Variants in KCNMA1 observed in about 807,000 individuals in gnomAD.
The protein encoded by KCNMA1 is potassium calcium-activated channel subfamily M alpha 1.
In KCNMA1, 29 loss-of-function variants were observed where a neutral mutation model predicts 140.0. That is an observed-to-expected ratio of 0.21 (90% CI 0.15 to 0.28). KCNMA1 has a LOEUF of 0.28. KCNMA1 is among the 10% of genes least tolerant of loss of function. The probability of loss-of-function intolerance (pLI) is 1.00; values close to 1 mark genes in which losing one functional copy is unlikely to be tolerated. For synonymous variants in KCNMA1, 612 were observed against 611.9 expected (o/e 1.00, Z 0.00); for missense variants, 880 against 1,602.2 (o/e 0.55, Z 7.70).
intron 1 of KCNMA1, among the ~76,000 whole-genome samples, chr10:77,612,016 G>A (rs1289283407): frequency 6.6e-6 from 1 of 152,204 alleles, no homozygotes; most frequent in Non-Finnish European, 1.5e-5. Context: ...AGCTAAAGGA[G>A]TCCAGAGAAG....
chr10:77,431,705 AAAAAAAAAAAG>A (rs1489656718), intron 1 of KCNMA1, among the ~76,000 whole-genome samples: 5 of 122,130 alleles, frequency 4.1e-5, no homozygotes, highest in Non-Finnish European at 7.0e-5. Flanking sequence ...AAAAAAAAAA[AAAAAAAAAAAG>A]GCCGGGAGCG....
At chr10:77,545,889 G>A (rs2061364867) in intron 1 of KCNMA1, among the ~76,000 whole-genome samples, 1 of 152,132 alleles carries the variant, frequency 6.6e-6, no homozygotes, top group Non-Finnish European at 1.5e-5. Flanking sequence ...CCACTACCCT[G>A]TCCCTAAATC....
intron 15 of KCNMA1, among the ~76,000 whole-genome samples, chr10:77,029,537 G>A (rs2093757235): frequency 6.6e-6 from 1 of 152,156 alleles, no homozygotes; most frequent in South Asian, 2.1e-4. Context: ...AGCCTATTTT[G>A]TATTGGGAGA....
At chr10:77,291,049 TAGCACACA>T (rs2073061518) in intron 2 of KCNMA1, among the ~76,000 whole-genome samples, 1 of 152,250 alleles carries the variant, frequency 6.6e-6, no homozygotes, top group South Asian at 2.1e-4. Flanking sequence ...CCAGGAAAGT[TAGCACACA>T]CATATGCCCC....
intron 1 of KCNMA1, among the ~76,000 whole-genome samples, chr10:77,525,280 A>T (rs2055153992): frequency 6.6e-6 from 1 of 152,190 alleles, no homozygotes; most frequent in African/African-American, 2.4e-5. Context: ...CCAAAATGAG[A>T]ATTATCTCCA....
chr10:77,543,631 G>A (rs1475736555), intron 1 of KCNMA1, among the ~76,000 whole-genome samples: 1 of 152,076 alleles, frequency 6.6e-6, no homozygotes, highest in Admixed American at 6.6e-5. Flanking sequence ...AAGTTAGCAG[G>A]TCAAAGAAAA....
At chr10:77,179,839 G>A (rs1214647064) in intron 5 of KCNMA1, among the ~76,000 whole-genome samples, 2 of 152,170 alleles carry the variant, frequency 1.3e-5, no homozygotes, top group African/African-American at 2.4e-5. Flanking sequence ...AAGTGAGTCC[G>A]TGTCTGTGAG....
intron 1 of KCNMA1, among the ~76,000 whole-genome samples, chr10:77,542,370 C>T (rs1210524818): frequency 6.6e-6 from 1 of 152,134 alleles, no homozygotes; most frequent in East Asian, 1.9e-4. Flanking sequence ...TGACAGAATC[C>T]CTGTGCTAAC....
chr10:76,953,036 T>C (rs981736777), intron 21 of KCNMA1, among the ~76,000 whole-genome samples: 5 of 152,216 alleles, frequency 3.3e-5, no homozygotes, highest in Non-Finnish European at 5.9e-5. Context: ...GAGAGTAGAA[T>C]GGATTGTTAC....
chr10:77,375,334 C>G (rs1012604919), intron 2 of KCNMA1, among the ~76,000 whole-genome samples: 4 of 152,178 alleles, frequency 2.6e-5, no homozygotes, highest in Non-Finnish European at 4.4e-5. Flanking sequence ...AAGTTTGAAT[C>G]CTGGCATCTT....
chr10:76,953,763 A>T (rs1361652361), intron 21 of KCNMA1, 38 bp downstream of exon 21: 3 of 1,613,794 alleles, frequency 1.9e-6, no homozygotes, highest in Non-Finnish European at 2.5e-6. Flanking sequence ...GGTTTGGGGC[A>T]GAAGCGGGCA....
intron 2 of KCNMA1, among the ~76,000 whole-genome samples, chr10:77,288,477 T>C (rs1301746286): frequency 6.6e-6 from 1 of 152,214 alleles, no homozygotes; most frequent in East Asian, 1.9e-4. Flanking sequence ...AAAATTAACT[T>C]ACAACCAAAG....
intron 3 of KCNMA1, among the ~76,000 whole-genome samples, chr10:77,197,611 C>T (rs1020896767): frequency 1.3e-5 from 2 of 152,196 alleles, no homozygotes; most frequent in Non-Finnish European, 2.9e-5. Context: ...TTGGAATGCT[C>T]GCTGCTTTAA....
chr10:77,608,313 C>T (rs1181104803), intron 1 of KCNMA1, among the ~76,000 whole-genome samples: 2 of 152,154 alleles, frequency 1.3e-5, no homozygotes, highest in African/African-American at 4.8e-5. Flanking sequence ...GCTGGGACTA[C>T]GGGGATGTGC....
chr10:77,138,663 C>T (rs1329641038), intron 5 of KCNMA1, among the ~76,000 whole-genome samples: 2 of 152,208 alleles, frequency 1.3e-5, no homozygotes, highest in Non-Finnish European at 2.9e-5. Flanking sequence ...TACATGGCAT[C>T]CATCTCACTA....
At chr10:77,006,274 G>A (rs1195555091) in intron 18 of KCNMA1, among the ~76,000 whole-genome samples, 1 of 152,092 alleles carries the variant, frequency 6.6e-6, no homozygotes, top group Non-Finnish European at 1.5e-5. Flanking sequence ...CAAATTCAAG[G>A]GAAGACTGGG....
At chr10:77,439,169 A>G (rs866965832) in intron 1 of KCNMA1, among the ~76,000 whole-genome samples, 34 of 147,242 alleles carry the variant, frequency 2.3e-4, no homozygotes, top group African/African-American at 6.0e-4. Flanking sequence ...GAAGAAAAGA[A>G]AAGAGAAGAG....
In KCNMA1 at chr10:76,879,576, G is replaced by GT. The variant is rs201535633; in HGVS notation, c.3428-1687dup. 6.0e-3 allele frequency among the ~76,000 whole-genome samples: 859 copies of GT among 144,202 alleles called. 9 individuals carry two copies. Among genetic ancestry groups the GT allele is most frequent in the African/African-American group, 0.017 (691 of 39,668 alleles). The allele number at this position is 144,202 out of a possible 152,430, so 94.6% of individuals were successfully genotyped here. ...TTCATTTATCTTTTTGTCAAGCAGA[G>GT]TTTTTTTTTTTTCCCTAAGCTTCAA... On this transcript the variant is annotated intron_variant, in intron 29 of 29. Transcript: ENST00000372403.
chr10:77,467,783 A>T (rs1696929472), intron 1 of KCNMA1, among the ~76,000 whole-genome samples: 1 of 152,246 alleles, frequency 6.6e-6, no homozygotes, highest in Non-Finnish European at 1.5e-5. Flanking sequence ...CACAGGGACC[A>T]CGAATTTTGA....
Sources: gnomAD v4.1 joint callset for allele counts (sites outside exome capture counted in the v4.1 genomes callset) on GRCh38, gnomAD v4.1.1 for gene constraint, MANE v1.5 for transcripts, NCBI Gene and HGNC (gene_info 2026-07-23, HGNC 2026-07-21) for gene names.